ZNF827: variants seen among roughly 807,000 people sequenced by gnomAD.
ZNF827 encodes the protein zinc finger protein 827.
ZNF827 carries 13 observed loss-of-function variants against 102.4 expected under a neutral mutation model. That is an observed-to-expected ratio of 0.13 (90% CI 0.08 to 0.20). The LOEUF (loss-of-function observed/expected upper bound fraction) is 0.20, where lower values mean the gene tolerates loss of function less well. ZNF827 is among the 10% of genes least tolerant of loss of function. The pLI is 1.00. For missense variants in ZNF827, 1,103 were observed against 1,344.4 expected (o/e 0.82, Z 2.81); for synonymous variants, 523 against 536.2 (o/e 0.98, Z 0.34).
At chr4:145,898,052 G>A (rs1183280067) in intron 2 of ZNF827, among the ~76,000 whole-genome samples, 1 of 152,154 alleles carries the variant, frequency 6.6e-6, no homozygotes, top group Non-Finnish European at 1.5e-5. Flanking sequence ...CTTCTCAGGA[G>A]GCTCAGGCAC....
intron 5 of ZNF827, among the ~76,000 whole-genome samples, chr4:145,858,127 ATGTGTGAGTGTG>A (rs918823506): frequency 9.0e-6 from 1 of 111,154 alleles, no homozygotes; most frequent in African/African-American, 3.7e-5. Context: ...ATGTGTGTGC[ATGTGTGAGTGTG>A]TGTGTGTGTG....
intron 7 of ZNF827, among the ~76,000 whole-genome samples, chr4:145,845,555 A>C (rs1375052934): frequency 6.6e-6 from 1 of 152,188 alleles, no homozygotes; most frequent in East Asian, 1.9e-4. Flanking sequence ...AGTCAGGAGC[A>C]GGGTTGCAAT....
chr4:145,917,754 A>G (rs1288642641), intron 1 of ZNF827, among the ~76,000 whole-genome samples: 2 of 147,974 alleles, frequency 1.4e-5, no homozygotes, highest in African/African-American at 5.0e-5. Flanking sequence ...TTCATATGCC[A>G]TTTCCTGGGA....
Position 145,874,792 on chromosome 4 carries a change from C to T in ZNF827, c.1748-4314G>A, listed in dbSNP as rs955162246. Among the ~76,000 whole-genome samples, 5 of 152,202 alleles carry T rather than the reference C, an allele frequency of 3.3e-5. No homozygotes were observed. The South Asian group carries it at 1.0e-3, about 32-fold the overall frequency. ...TTATTTGAAAGTTTCTGGATAACTG[C>T]ACTTTTGATGTGATGAGAAAGCCCT... On this transcript the variant is annotated intron_variant, in intron 4 of 14. Coordinates refer to ENST00000508784, the MANE Select transcript of ZNF827 (RefSeq NM_001306215.2).
intron 11 of ZNF827, among the ~76,000 whole-genome samples, chr4:145,768,829 AGC>A (rs1197507169): frequency 8.4e-6 from 1 of 118,362 alleles, no homozygotes; most frequent in African/African-American, 3.2e-5. Flanking sequence ...ATTGTACTCC[AGC>A]CTGGGTGACA....
At chr4:145,874,264 A>C (rs1211768326) in intron 4 of ZNF827, among the ~76,000 whole-genome samples, 1 of 152,268 alleles carries the variant, frequency 6.6e-6, no homozygotes, top group Non-Finnish European at 1.5e-5. Context: ...ATACATTTGC[A>C]AGGCACTACA....
intron 9 of ZNF827, among the ~76,000 whole-genome samples, chr4:145,776,607 T>C (rs1016627002): frequency 2.0e-5 from 3 of 150,862 alleles, no homozygotes; most frequent in Non-Finnish European, 4.5e-5. Flanking sequence ...AGTGTGCATG[T>C]CTGTTTGTGT....
chr4:145,820,507 CT>C (rs1743039013), intron 8 of ZNF827, among the ~76,000 whole-genome samples: 1 of 152,158 alleles, frequency 6.6e-6, no homozygotes, highest in African/African-American at 2.4e-5. Context: ...GATTCTGAGG[CT>C]TTCATTTGTA....
chr4:145,909,537 G>A (rs1332649698), intron 1 of ZNF827, among the ~76,000 whole-genome samples: 1 of 152,162 alleles, frequency 6.6e-6, no homozygotes, highest in African/African-American at 2.4e-5. Context: ...TTACGCCTCT[G>A]ATTGGCCTGT....
intron 5 of ZNF827, among the ~76,000 whole-genome samples, chr4:145,864,204 A>G (rs1747978032): frequency 6.6e-6 from 1 of 151,952 alleles, no homozygotes; most frequent in South Asian, 2.1e-4. Flanking sequence ...ACACGCATAC[A>G]TACACAGTTT....
rs778851561 is a variant in ZNF827 at position 145,775,902 on chromosome 4, C to T, written c.2580G>A (p.Leu860=). Residue 860 remains leucine, a synonymous_variant, in exon 10 of 15, where the codon CTG becomes CTA. Transcript: ENST00000508784. ...CPYAAKCRAN[L]NQHLTVHSVK... is the part of the protein sequence containing the mutation. ...CGGAATGGACGGTCAAGTGCTGGTT[C>T]AGATTTGCACGGCACTTAGCAGCAT... 5.0e-6 allele frequency: 8 copies of T among 1,614,046 alleles called. No individual in the cohort carries two copies. In the East Asian group the frequency reaches 1.6e-4, roughly 31 times the overall value.
intron 1 of ZNF827, among the ~76,000 whole-genome samples, chr4:145,932,024 T>A (rs1753844118): frequency 6.6e-6 from 1 of 152,094 alleles, no homozygotes; most frequent in African/African-American, 2.4e-5. Context: ...ATTAGTGCGT[T>A]TATAAAAGGG....
intron 4 of ZNF827, among the ~76,000 whole-genome samples, chr4:145,875,359 T>C (rs1404351364): frequency 2.0e-5 from 3 of 152,172 alleles, no homozygotes; most frequent in African/African-American, 4.8e-5. Flanking sequence ...ACAGAGACAC[T>C]TGGCTCAGAG....
At chr4:145,841,330 ATCT>A (rs1745396388) in intron 7 of ZNF827, among the ~76,000 whole-genome samples, 1 of 152,160 alleles carries the variant, frequency 6.6e-6, no homozygotes, top group African/African-American at 2.4e-5. Flanking sequence ...AAGGATGTAG[ATCT>A]TCTTTTTATT....
At chr4:145,819,015 C>T (rs1187216566) in intron 8 of ZNF827, among the ~76,000 whole-genome samples, 2 of 152,064 alleles carry the variant, frequency 1.3e-5, no homozygotes, top group African/African-American at 4.8e-5. Flanking sequence ...TAAAACTTCC[C>T]CCTGCCTACC....
chr4:145,899,033 T>G (rs1417020553), intron 2 of ZNF827, among the ~76,000 whole-genome samples: 1 of 152,212 alleles, frequency 6.6e-6, no homozygotes, highest in Non-Finnish European at 1.5e-5. Flanking sequence ...TGGCTTTTTG[T>G]TGTTGTTCTT....
At chr4:145,889,674 T>A (rs969607553) in intron 3 of ZNF827, among the ~76,000 whole-genome samples, 4 of 151,842 alleles carry the variant, frequency 2.6e-5, no homozygotes, top group Non-Finnish European at 5.9e-5. Context: ...TAGGCAGAAT[T>A]CATTAAGAAA....
intron 4 of ZNF827, among the ~76,000 whole-genome samples, chr4:145,884,636 C>A (rs1166201099): frequency 6.6e-6 from 1 of 152,040 alleles, no homozygotes; most frequent in African/African-American, 2.4e-5. Flanking sequence ...CCTTATCATT[C>A]CAAAAGAGAA....
At chr4:145,913,978 G>A (rs547681266) in intron 1 of ZNF827, among the ~76,000 whole-genome samples, 3 of 151,950 alleles carry the variant, frequency 2.0e-5, no homozygotes, top group East Asian at 3.9e-4. Flanking sequence ...GCATTCTACA[G>A]TCTAAGAAAT....
Sources: gnomAD v4.1 joint callset for allele counts (sites outside exome capture counted in the v4.1 genomes callset) on GRCh38, gnomAD v4.1.1 for gene constraint, MANE v1.5 for transcripts, NCBI Gene and HGNC (gene_info 2026-07-23, HGNC 2026-07-21) for gene names.